Variants in ALS2 observed in about 807,000 individuals in gnomAD.
ALS2 encodes alsin.
A neutral mutation model predicts 203.4 loss-of-function variants in ALS2; 117 were observed. The observed-to-expected ratio is 0.58, with a 90% CI of 0.50 to 0.67. ALS2 has a LOEUF of 0.67. Ranked by LOEUF, ALS2 falls within the 30% of genes least tolerant of loss-of-function variation. The pLI is 0.00. For synonymous variants in ALS2, 718 were observed against 725.9 expected (o/e 0.99, Z 0.17); for missense variants, 1,715 against 1,989.4 (o/e 0.86, Z 2.62).
In ALS2 at chr2:201,768,791, G is replaced by A. The variant is rs200508996; in HGVS notation, c.20+75C>T. On this transcript the variant is annotated intron_variant, in intron 2 of 33. Transcript: ENST00000264276. ...CCATCAACAAGAAAATTAAACTGAA[G>A]AGAAGCTACACATATGTGAAGCTGT... 1.5e-3 allele frequency: 2,107 copies of A among 1,378,906 alleles called. 4 individuals carry two copies. The highest frequency in any genetic ancestry group is 1.7e-3 in the Non-Finnish European group (1,652 of 973,004). The allele number at this position is 1,378,906 out of a possible 1,614,324, so 85.4% of individuals were successfully genotyped here. A position where few individuals can be genotyped will look rare whatever the true frequency, so the allele number is the denominator to read the frequency against.
Position 201,711,046 on chromosome 2 carries a change from T to G in ALS2, c.4067A>C (p.His1356Pro). The stretch of plus-strand genomic sequence containing the variant: ...TTTCTCCACAGAGAAGGCACCAACA[T>G]GCTGTGGAATGAATTCCAAACTCTC... ...TLESLEFIPQ[H>P]VGAFSVEKYD... The change falls in exon 26 of 34, where the codon CAT becomes CCT. Residue 1356 changes from histidine (H) to proline (P), a missense_variant. This residue lies in a region of ALS2 where 1,227 missense variants were observed against 1,413.5 expected (regional missense o/e 0.87). Transcript: ENST00000264276. 6.2e-7 allele frequency: 1 copy of G among 1,613,166 alleles called. No homozygotes were observed.
At position 201,768,887 on chromosome 2, in the gene ALS2, G is replaced by T; in HGVS notation, c.-2C>A. Reference sequence around the variant, plus strand: ...TTACCTTCTCTTCTTTGAGTCCATCGGTCAGTGGGAACACTCCATCACCAA... The same window carrying T: ...TTACCTTCTCTTCTTTGAGTCCATCTGTCAGTGGGAACACTCCATCACCAA... On this transcript the variant is annotated 5_prime_UTR_variant, in exon 2 of 34. Coordinates refer to ENST00000264276, the MANE Select transcript of ALS2 (RefSeq NM_020919.4). 3.1e-6 allele frequency: 5 copies of T among 1,613,184 alleles called. No individual in the cohort carries two copies. The highest frequency in any genetic ancestry group is 4.2e-6 in the Non-Finnish European group (5 of 1,179,490).
intron 12 of ALS2, chr2:201,738,400 T>G: frequency 2.1e-6 from 1 of 477,072 alleles, no homozygotes; most frequent in Admixed American, 3.4e-5. Context: ...CCTACTGAGG[T>G]AAAGAGAGTT....
At chr2:201,710,498 TAGAAAATGTTACCTTGG>T (rs1249187946) in intron 26 of ALS2, among the ~76,000 whole-genome samples, 1 of 151,610 alleles carries the variant, frequency 6.6e-6, no homozygotes, top group Non-Finnish European at 1.5e-5. Flanking sequence ...ACAAAAATGA[TAGAAAATGTTACCTTGG>T]AGAAAACTAA....
In ALS2 at chr2:201,746,155, A is replaced by C. The variant is rs145522658; in HGVS notation, c.1998+411T>G. On this transcript the variant is annotated intron_variant, in intron 9 of 33. Transcript: ENST00000264276. Reference sequence around the variant, plus strand: ...GAGGGCTCTACGGCTGCAGTCAGGAAACTTCATAGTAAAATGTACTTTCCA... The same window carrying C: ...GAGGGCTCTACGGCTGCAGTCAGGACACTTCATAGTAAAATGTACTTTCCA... Among the ~76,000 whole-genome samples, 379 of 152,280 alleles carry C rather than the reference A, an allele frequency of 2.5e-3. 1 individual carries two copies. The highest frequency in any genetic ancestry group is 7.9e-3 in the African/African-American group (330 of 41,566).
chr2:201,771,448 A>C (rs1239442139), intron 1 of ALS2, among the ~76,000 whole-genome samples: 1 of 152,172 alleles, frequency 6.6e-6, no homozygotes, highest in Non-Finnish European at 1.5e-5. Context: ...AATGAAGAAA[A>C]CTGATTGCTG....
intron 1 of ALS2, chr2:201,780,227 C>A (rs1409664936): frequency 2.0e-5 from 3 of 152,330 alleles, no homozygotes; most frequent in Admixed American, 2.0e-4. Context: ...TATCCGAGGA[C>A]GAACACCAGC....
intron 8 of ALS2, among the ~76,000 whole-genome samples, chr2:201,748,149 A>C (rs1399558823): frequency 6.6e-6 from 1 of 152,068 alleles, no homozygotes; most frequent in Non-Finnish European, 1.5e-5. Flanking sequence ...CCCCTAATCT[A>C]TTAGATCCTT....
At chr2:201,772,331 G>A (rs1694432492) in intron 1 of ALS2, among the ~76,000 whole-genome samples, 1 of 152,266 alleles carries the variant, frequency 6.6e-6, no homozygotes, top group Admixed American at 6.5e-5. Flanking sequence ...CTGTTAGAAA[G>A]ATGAGCTACA....
chr2:201,769,868 T>G (rs1042176392), intron 1 of ALS2, among the ~76,000 whole-genome samples: 1 of 152,150 alleles, frequency 6.6e-6, no homozygotes, highest in Non-Finnish European at 1.5e-5. Flanking sequence ...TGATCTGGGG[T>G]CCATCTGTTT....
chr2:201,748,120 C>T (rs1692789733), intron 8 of ALS2, among the ~76,000 whole-genome samples: 1 of 152,126 alleles, frequency 6.6e-6, no homozygotes, highest in Non-Finnish European at 1.5e-5. Context: ...TCAGCACTGA[C>T]TCCTGGACTG....
chr2:201,731,313 G>T (rs1559055278), intron 13 of ALS2, among the ~76,000 whole-genome samples: 1 of 152,156 alleles, frequency 6.6e-6, no homozygotes, highest in Non-Finnish European at 1.5e-5. Context: ...TAATGCAGTG[G>T]TTTTGTTAAT....
At chr2:201,758,340 C>T (rs1693529865) in intron 4 of ALS2, among the ~76,000 whole-genome samples, 1 of 152,152 alleles carries the variant, frequency 6.6e-6, no homozygotes, top group African/African-American at 2.4e-5. Flanking sequence ...TTATGCTCAA[C>T]TCGAGTGCCT....
Position 201,728,608 on chromosome 2 carries a change from C to T in ALS2, c.2745G>A (p.Leu915=), listed in dbSNP as rs760609748. 1.2e-5 allele frequency: 20 copies of T among 1,614,008 alleles called. No individual in the cohort carries two copies. The highest frequency in any genetic ancestry group is 3.3e-5 in the Admixed American group (2 of 60,002). ...DSLRKPERRL[L]CESSNRALSL... ...ACAGGGCTCGGTTACTACTCTCACA[C>T]AGCAGTCGACGCTCTGGCTTCCTCA... The change falls in exon 15 of 34, where the codon CTG becomes CTA. Residue 915 remains leucine (L), a synonymous_variant. Coordinates refer to ENST00000264276, the MANE Select transcript of ALS2 (RefSeq NM_020919.4).
At chr2:201,708,619 ATG>A (rs1689866598) in intron 27 of ALS2, among the ~76,000 whole-genome samples, 1 of 152,144 alleles carries the variant, frequency 6.6e-6, no homozygotes, top group African/African-American at 2.4e-5. Context: ...AAATTTAAAA[ATG>A]TGTTTTTAAA....
In ALS2 at chr2:201,757,412, C is replaced by T; in HGVS notation, c.1461G>A (p.Leu487=). 3.7e-6 allele frequency: 6 copies of T among 1,613,746 alleles called. No individual in the cohort carries two copies. The highest frequency in any genetic ancestry group is 5.1e-6 in the Non-Finnish European group (6 of 1,179,652). Residue 487 remains leucine (L), a synonymous_variant, in exon 5 of 34, where the codon TTG becomes TTA. Coordinates refer to ENST00000264276, the MANE Select transcript of ALS2 (RefSeq NM_020919.4). ...GGSRRLSLPG[L]LSQVSPRLLR... is the part of the protein sequence containing the mutation. The stretch of plus-strand genomic sequence containing the variant: ...TAGTTATTTCCTTACCTTGTGACAA[C>T]AATCCAGGGAGGGAGAGTCTTCGAC...
chr2:201,737,920 T>C (rs1289936103), intron 12 of ALS2, among the ~76,000 whole-genome samples: 1 of 148,300 alleles, frequency 6.7e-6, no homozygotes, highest in East Asian at 2.0e-4. Context: ...AGACCCCGTC[T>C]CAAAAAAAAA....
rs373190287 is a variant in ALS2 at position 201,761,520 on chromosome 2, G to A, written c.474C>T (p.Gly158=). The A allele has an allele frequency of 4.4e-5, 71 of 1,613,698 alleles. No individual in the cohort carries two copies. The highest frequency in any genetic ancestry group is 5.3e-5 in the Non-Finnish European group (62 of 1,179,786). The change falls in exon 4 of 34, where the codon GGC becomes GGT. Residue 158 remains glycine, a synonymous_variant. Coordinates refer to ENST00000264276, the MANE Select transcript of ALS2 (RefSeq NM_020919.4). ...LAVRILQLAC[G]EEHTLALSIS... ...TTGACAATGCCAGAGTGTGCTCCTCGCCACACGCCAACTGTAAAATCCTGA... is the reference window on the plus strand; with the variant it reads ...TTGACAATGCCAGAGTGTGCTCCTCACCACACGCCAACTGTAAAATCCTGA...
intron 4 of ALS2, 75 bp downstream of exon 4, chr2:201,760,806 T>C: frequency 6.6e-7 from 1 of 1,513,158 alleles, no homozygotes; most frequent in East Asian, 2.3e-5. Flanking sequence ...GCCTTACTCA[T>C]TTTAAAGTTT....
Sources: gnomAD v4.1 joint callset for allele counts (sites outside exome capture counted in the v4.1 genomes callset) on GRCh38, gnomAD v4.1.1 for gene constraint, gnomAD v4.1.1 regional missense constraint, MANE v1.5 for transcripts, NCBI Gene and HGNC (gene_info 2026-07-23, HGNC 2026-07-21) for gene names.